The following IFT81 variants were observed in gnomAD, a reference collection of about 807,000 sequenced individuals.
IFT81 encodes intraflagellar transport 81.
In IFT81, 72 loss-of-function variants were observed where a neutral mutation model predicts 102.6. That is an observed-to-expected ratio of 0.70 (90% CI 0.58 to 0.85). IFT81 has a LOEUF of 0.85. Ranked by LOEUF, IFT81 falls within the 40% of genes least tolerant of loss-of-function variation. IFT81 has a pLI of 0.00. For synonymous variants in IFT81, 237 were observed against 242.7 expected, an observed-to-expected ratio of 0.98 and a Z score of 0.22; for missense variants, 723 against 787.3, an observed-to-expected ratio of 0.92 and a Z score of 0.98.
chr12:110,185,426 G>A (rs975632260), intron 12 of IFT81, among the ~76,000 whole-genome samples: 4 of 151,718 alleles, frequency 2.6e-5, no homozygotes, highest in Admixed American at 1.3e-4. Context: ...TCCCGACCTC[G>A]TGATCTGCCC....
At chr12:110,190,870 G>A in intron 12 of IFT81, 50 bp from the exon 13 acceptor site, 2 of 1,438,674 alleles carry the variant, frequency 1.4e-6, no homozygotes, top group African/African-American at 1.5e-5. Flanking sequence ...TCTTATGGGA[G>A]CCAGCAAGAT....
chr12:110,190,014 C>T (rs1255540326), intron 12 of IFT81, among the ~76,000 whole-genome samples: 1 of 152,164 alleles, frequency 6.6e-6, no homozygotes, highest in Admixed American at 6.5e-5. Flanking sequence ...TTCTAATTGG[C>T]CTCCCTGCTC....
chr12:110,168,026 TTTTTG>T (rs1318756594), intron 11 of IFT81: 1 of 170,156 alleles, frequency 5.9e-6, no homozygotes. Context: ...TAATTTTCTT[TTTTTG>T]TTTTGTTTTG....
chr12:110,195,502 T>C (rs1897961944), intron 14 of IFT81, among the ~76,000 whole-genome samples: 1 of 152,140 alleles, frequency 6.6e-6, no homozygotes, highest in Admixed American at 6.6e-5. Context: ...CTCTAGCAAT[T>C]AAAAAAATGA....
rs893069267 is a variant in IFT81, at chr12:110,205,636, G to A, written c.1758G>A (p.Lys586=). 1 of 1,603,252 alleles carries A rather than the reference G, an allele frequency of 6.2e-7. No homozygotes were observed. Among genetic ancestry groups the A allele is most frequent in the Middle Eastern group, 1.7e-4 (1 of 6,028 alleles). Residue 586 remains lysine (K), a synonymous_variant, in exon 17 of 19, where the codon AAG becomes AAA. Transcript: ENST00000242591. ...VQLRRATDEM[K]AYISSDQQEK... is the part of the protein sequence containing the mutation. ...TTCGTCGTGCTACTGATGAGATGAAGGCATATATCTCTTCTGATCAACAAG... is the reference window on the plus strand; with the variant it reads ...TTCGTCGTGCTACTGATGAGATGAAAGCATATATCTCTTCTGATCAACAAG...
chr12:110,140,497 CT>C (rs1894824737), intron 8 of IFT81, among the ~76,000 whole-genome samples: 1 of 152,040 alleles, frequency 6.6e-6, no homozygotes, highest in African/African-American at 2.4e-5. Flanking sequence ...GAATTAGAAA[CT>C]TTTTTTTAAA....
intron 9 of IFT81, among the ~76,000 whole-genome samples, chr12:110,146,675 A>G (rs1895241519): frequency 6.6e-6 from 1 of 152,160 alleles, no homozygotes; most frequent in African/African-American, 2.4e-5. Flanking sequence ...AATGTTAAGA[A>G]CTGTAAATTC....
chr12:110,204,074 G>A lies in IFT81; in HGVS notation c.1644+124G>A, dbSNP rs997506045. 3.4e-4 allele frequency: 218 copies of A among 643,132 alleles called. 1 individual carries two copies. The highest frequency in any genetic ancestry group is 9.7e-5 in the Non-Finnish European group (35 of 361,266). 39.8% of individuals were successfully genotyped at this position (643,132 alleles called of 1,614,324 possible). On this transcript the variant is annotated intron_variant, in intron 15 of 18. Coordinates refer to ENST00000242591, the MANE Select transcript of IFT81 (RefSeq NM_014055.4). ...GAGCCTAGGAGTTTGAGGCTACAGTGAGCTATGATCACACCACTGCATTCT... is the reference window on the plus strand; with the variant it reads ...GAGCCTAGGAGTTTGAGGCTACAGTAAGCTATGATCACACCACTGCATTCT...
Position 110,190,197 on chromosome 12 carries a change from G to A in IFT81, c.1339-723G>A, listed in dbSNP as rs190350055. ...CTAAAGTAGGATACTTCTTGAGAGT[G>A]CAAGGGACAATAGATGTACACTGAG... On this transcript the variant is annotated intron_variant, in intron 12 of 18. Coordinates refer to ENST00000242591, the MANE Select transcript of IFT81 (RefSeq NM_014055.4). 5.8e-4 allele frequency among the ~76,000 whole-genome samples: 88 copies of A among 152,284 alleles called. 1 individual carries two copies. Among genetic ancestry groups the A allele is most frequent in the African/African-American group, 2.1e-3 (87 of 41,558 alleles).
At chr12:110,170,613 A>G (rs1003664395) in intron 11 of IFT81, among the ~76,000 whole-genome samples, 8 of 152,220 alleles carry the variant, frequency 5.3e-5, no homozygotes, top group African/African-American at 1.9e-4. Context: ...GTGGTCATTC[A>G]GATGAATGCA....
chr12:110,199,601 C>T (rs1298343208), intron 14 of IFT81, among the ~76,000 whole-genome samples: 2 of 152,162 alleles, frequency 1.3e-5, no homozygotes, highest in Admixed American at 1.3e-4. Context: ...CCAGCAGCTA[C>T]CTAAGTACGT....
intron 2 of IFT81, among the ~76,000 whole-genome samples, 163 bp downstream of exon 2, chr12:110,127,687 A>G (rs1291612464): frequency 6.6e-6 from 1 of 152,238 alleles, no homozygotes; most frequent in Non-Finnish European, 1.5e-5. Flanking sequence ...GCTCAAAAAT[A>G]AATTATCTAT....
In IFT81 at chr12:110,205,679, A is replaced by G; in HGVS notation, c.1801A>G (p.Arg601Gly). 6.4e-7 allele frequency: 1 copy of G among 1,574,762 alleles called. No homozygotes were observed. The highest frequency in any genetic ancestry group is 1.2e-5 in the South Asian group (1 of 82,210). ...TCAACAAGAAAAAAGAAAGGCAATT[A>G]GGCAAGTGATTTTGTTGTTTTATAT... ...SDQQEKRKAI[R>G]EQYTKNTAEQ... Residue 601 changes from arginine (R) to glycine (G), a missense_variant and splice_region_variant, in exon 17 of 19, where the codon AGG becomes GGG. By Grantham distance (125) the Arg-to-Gly change is moderately radical. Transcript: ENST00000242591.
At chr12:110,182,968 C>G (rs919483353) in intron 12 of IFT81, among the ~76,000 whole-genome samples, 1 of 152,110 alleles carries the variant, frequency 6.6e-6, no homozygotes, top group African/African-American at 2.4e-5. Flanking sequence ...AGGTGTACAC[C>G]CCATCCTAAA....
chr12:110,165,805 A>G (rs560033408), intron 11 of IFT81, among the ~76,000 whole-genome samples: 3 of 152,284 alleles, frequency 2.0e-5, no homozygotes, highest in Non-Finnish European at 4.4e-5. Context: ...TATCTGTAAA[A>G]TGGGGCTGAT....
chr12:110,181,174 A>G (rs543958113), intron 12 of IFT81, among the ~76,000 whole-genome samples: 2 of 152,312 alleles, frequency 1.3e-5, no homozygotes, highest in East Asian at 3.9e-4. Flanking sequence ...GGTAGAAGTA[A>G]GTGGAATTTC....
intron 11 of IFT81, among the ~76,000 whole-genome samples, chr12:110,173,769 T>C (rs1896898752): frequency 6.6e-6 from 1 of 152,092 alleles, no homozygotes; most frequent in Non-Finnish European, 1.5e-5. Flanking sequence ...GAAGGCAGCA[T>C]GCTGGTTAAG....
At chr12:110,149,302 CT>C (rs1210945966) in intron 10 of IFT81, among the ~76,000 whole-genome samples, 6 of 152,140 alleles carry the variant, frequency 3.9e-5, no homozygotes, top group African/African-American at 1.4e-4. Context: ...TGGCTCGCTT[CT>C]TTAGTGCCCC....
chr12:110,160,327 C>A (rs568194366), intron 10 of IFT81, among the ~76,000 whole-genome samples: 2 of 152,162 alleles, frequency 1.3e-5, no homozygotes, highest in Non-Finnish European at 2.9e-5. Context: ...CCAGGGAAGA[C>A]GACAGTGCAG....
Sources: allele counts gnomAD v4.1 joint callset (sites outside exome capture counted in the v4.1 genomes callset), GRCh38; gene constraint gnomAD v4.1.1; transcripts MANE v1.5; gene names NCBI Gene and HGNC (gene_info 2026-07-23, HGNC 2026-07-21).